The following PAFAH1B2 variants were observed in gnomAD, a reference collection of about 807,000 sequenced individuals.
PAFAH1B2 encodes platelet activating factor acetylhydrolase 1b catalytic subunit 2.
In PAFAH1B2, 8 loss-of-function variants were observed where a neutral mutation model predicts 28.0. That is an observed-to-expected ratio of 0.29 (90% CI 0.17 to 0.52). The LOEUF (loss-of-function observed/expected upper bound fraction) is 0.52, where lower values mean the gene tolerates loss of function less well. Ranked by LOEUF, PAFAH1B2 falls within the 20% of genes least tolerant of loss-of-function variation. The probability of loss-of-function intolerance (pLI) is 0.97; values close to 1 mark genes in which losing one functional copy is unlikely to be tolerated. For synonymous variants in PAFAH1B2, 104 were observed against 103.2 expected (o/e 1.01, Z -0.05); for missense variants, 190 against 282.6 (o/e 0.67, Z 2.35).
At chr11:117,148,642 G>A (rs1956070496) in intron 1 of PAFAH1B2, among the ~76,000 whole-genome samples, 1 of 152,152 alleles carries the variant, frequency 6.6e-6, no homozygotes, top group African/African-American at 2.4e-5. Context: ...GTAGCTCTAA[G>A]CTGGGAGTGG....
chr11:117,156,876 G>A (rs757872547), intron 2 of PAFAH1B2, among the ~76,000 whole-genome samples: 3 of 151,876 alleles, frequency 2.0e-5, no homozygotes, highest in Admixed American at 2.0e-4. Context: ...ATAAAAGCCG[G>A]ATATGGTGAA....
At chr11:117,159,694 C>A in intron 2 of PAFAH1B2, 2 of 424,874 alleles carry the variant, frequency 4.7e-6, no homozygotes, top group South Asian at 3.9e-5. Context: ...AAGATCACGC[C>A]ACTGTACTCC....
downstream of PAFAH1B2, chr11:117,177,002 G>A (rs2030017472): frequency 6.6e-6 from 1 of 152,034 alleles, no homozygotes; most frequent in East Asian, 1.9e-4. Flanking sequence ...GAGGTCAGGA[G>A]TTCGAGACCA....
rs1475225958 is a variant in PAFAH1B2 at position 117,163,772 on chromosome 11, C to A, written c.291C>A (p.Val97=). 3 of 1,613,100 alleles carry A rather than the reference C, an allele frequency of 1.9e-6. No homozygotes were observed. Among genetic ancestry groups the A allele is most frequent in the Non-Finnish European group, 2.5e-6 (3 of 1,179,544 alleles). The change falls in exon 5 of 6, where the codon GTC becomes GTA. Residue 97 remains valine (V), a splice_region_variant and synonymous_variant. Transcript: ENST00000527958. The stretch of plus-strand genomic sequence containing the variant: ...CCCCCTTTTTTCTTCAATTGCAGGT[C>A]ATTGTTGTCTGGGTAGGAACAAATA... The part of the protein sequence containing the change: ...NGELENIKPK[V]IVVWVGTNNH...
chr11:117,151,389 C>T (rs1956148298), intron 1 of PAFAH1B2, among the ~76,000 whole-genome samples: 1 of 151,748 alleles, frequency 6.6e-6, no homozygotes, highest in African/African-American at 2.4e-5. Flanking sequence ...GCCACCATGC[C>T]CAGCTAATTT....
chr11:117,146,112 T>G (rs562388805), intron 1 of PAFAH1B2, among the ~76,000 whole-genome samples: 122 of 87,750 alleles, frequency 1.4e-3, no homozygotes, highest in East Asian at 2.9e-3. Context: ...TGGTCTTTCT[T>G]TCTTTTTTTT....
At chr11:117,161,310 G>A (rs372954718) in intron 4 of PAFAH1B2, 49 bp downstream of exon 4, 4 of 1,199,904 alleles carry the variant, frequency 3.3e-6, no homozygotes, top group Non-Finnish European at 4.7e-6. Flanking sequence ...GTCTGTTTTG[G>A]ATAGTTAAAT....
chr11:117,162,022 G>A (rs1445489485), intron 4 of PAFAH1B2, among the ~76,000 whole-genome samples: 3 of 152,114 alleles, frequency 2.0e-5, no homozygotes, highest in Non-Finnish European at 4.4e-5. Flanking sequence ...GTGAACAAAT[G>A]AACATTTCTA....
At chr11:117,154,777 T>C (rs1389516117) in intron 2 of PAFAH1B2, among the ~76,000 whole-genome samples, 3 of 152,016 alleles carry the variant, frequency 2.0e-5, no homozygotes, top group Non-Finnish European at 4.4e-5. Flanking sequence ...TACTGAAATA[T>C]TTATACTTGG....
chr11:117,148,045 C>CT (rs1046335152), intron 1 of PAFAH1B2, among the ~76,000 whole-genome samples: 39 of 136,828 alleles, frequency 2.9e-4, no homozygotes, highest in Admixed American at 2.0e-3. Flanking sequence ...TATCTTTTTT[C>CT]TTTTTTTTTT....
At chr11:117,159,737 A>G (rs966138858) in intron 2 of PAFAH1B2, 197 bp from the exon 3 acceptor site, 15 of 169,356 alleles carry the variant, frequency 8.9e-5, no homozygotes, top group Admixed American at 5.9e-4. Flanking sequence ...GCTGTCTTAG[A>G]AAAAAAAAAA....
rs546786999 is a variant in PAFAH1B2, at chr11:117,146,561, C to T, written c.-8+2143C>T. On this transcript the variant is annotated intron_variant, in intron 1 of 5. Transcript: ENST00000527958. ...TTTAAAAATTAGCCATGTGTGGTGG[C>T]GTGGGCCTGCAGTACCAGTTACTCT... Among the ~76,000 whole-genome samples the T allele has an allele frequency of 5.5e-4, 84 of 152,108 alleles. 1 individual carries two copies. The highest frequency in any genetic ancestry group is 2.2e-4 in the Non-Finnish European group (15 of 68,024).
chr11:117,146,284 G>A (rs981252454), intron 1 of PAFAH1B2, among the ~76,000 whole-genome samples: 1 of 151,626 alleles, frequency 6.6e-6, no homozygotes, highest in African/African-American at 2.4e-5. Flanking sequence ...GTAGAGACGG[G>A]GTTTCGCCAC....
intron 1 of PAFAH1B2, among the ~76,000 whole-genome samples, chr11:117,149,381 C>G (rs1001795893): frequency 6.9e-6 from 1 of 145,002 alleles, no homozygotes; most frequent in African/African-American, 2.5e-5. Context: ...CCACACCTGG[C>G]TAAAATCTAA....
intron 2 of PAFAH1B2, among the ~76,000 whole-genome samples, chr11:117,153,586 C>T (rs7950633): frequency 0.86 from 130,736 of 152,140 alleles, 56,807 homozygotes; most frequent in African/African-American, 0.9. Context: ...AGACAGGGTT[C>T]TGCCATGTTG....
chr11:117,167,546 T>G lies in PAFAH1B2; in HGVS notation c.537T>G (p.Phe179Leu). 3 of 1,613,296 alleles carry G rather than the reference T, an allele frequency of 1.9e-6. No individual in the cohort carries two copies. The highest frequency in any genetic ancestry group is 2.5e-6 in the Non-Finnish European group (3 of 1,179,608). ...NVQLLDTDGG[F>L]VHSDGAISCH... Reference sequence around the variant, plus strand: ...AGCTCCTGGATACCGACGGGGGTTTTGTGCACTCGGACGGTGCCATCTCCT... The same window carrying G: ...AGCTCCTGGATACCGACGGGGGTTTGGTGCACTCGGACGGTGCCATCTCCT... Residue 179 changes from phenylalanine (F) to leucine (L), a missense_variant, in exon 6 of 6, where the codon TTT becomes TTG. By Grantham distance (22) the Phe-to-Leu change is conservative. Transcript: ENST00000527958.
chr11:117,175,320 A>G, downstream of PAFAH1B2: 1 of 1,070,030 alleles, frequency 9.3e-7, no homozygotes, highest in Non-Finnish European at 1.1e-6. Context: ...TGACTGCTGC[A>G]GCCAACAAAA....
At chr11:117,144,560 G>C (rs932919717) in intron 1 of PAFAH1B2, 142 bp downstream of exon 1, 14 of 176,230 alleles carry the variant, frequency 7.9e-5, no homozygotes, top group East Asian at 6.3e-4. Flanking sequence ...ATCCACTTGG[G>C]GGGGGCCTCG....
Position 117,167,737 on chromosome 11 carries a change from C to T in PAFAH1B2, c.*38C>T. Reference sequence around the variant, plus strand: ...AGTGTTAATAGCATCTCAGCTTCCTCAGATCAGTTCTATCACTGGCACTAC... The same window carrying T: ...AGTGTTAATAGCATCTCAGCTTCCTTAGATCAGTTCTATCACTGGCACTAC... On this transcript the variant is annotated 3_prime_UTR_variant, in exon 6 of 6. Coordinates refer to ENST00000527958, the MANE Select transcript of PAFAH1B2 (RefSeq NM_002572.4). 1 of 1,474,800 alleles carries T rather than the reference C, an allele frequency of 6.8e-7. No individual in the cohort carries two copies. The highest frequency in any genetic ancestry group is 9.0e-7 in the Non-Finnish European group (1 of 1,108,514). The allele number at this position is 1,474,800 out of a possible 1,614,324, so 91.4% of individuals were successfully genotyped here. A position where few individuals can be genotyped will look rare whatever the true frequency, so the allele number is the denominator to read the frequency against.
Sources: gnomAD v4.1 joint callset for allele counts (sites outside exome capture counted in the v4.1 genomes callset) on GRCh38, gnomAD v4.1.1 for gene constraint, MANE v1.5 for transcripts, NCBI Gene and HGNC (gene_info 2026-07-23, HGNC 2026-07-21) for gene names.